The following KCNMA1 variants were observed in gnomAD, a reference collection of about 807,000 sequenced individuals.
KCNMA1 encodes potassium calcium-activated channel subfamily M alpha 1, also known as Calcium-activated potassium channel subunit alpha-1.
A neutral mutation model predicts 140.0 loss-of-function variants in KCNMA1; 29 were observed. That is an observed-to-expected ratio of 0.21 (90% confidence interval 0.15 to 0.28). KCNMA1 has a LOEUF of 0.28. Ranked by LOEUF, KCNMA1 falls within the 10% of genes least tolerant of loss-of-function variation. The probability of loss-of-function intolerance (pLI) is 1.00; values close to 1 mark genes in which losing one functional copy is unlikely to be tolerated. For synonymous variants in KCNMA1, 612 were observed against 611.9 expected, an observed-to-expected ratio of 1.00 and a Z score of 0.00; for missense variants, 880 against 1,602.2, an observed-to-expected ratio of 0.55 and a Z score of 7.70.
In KCNMA1 at chr10:76,937,911, G is replaced by A. The variant is rs539843806; in HGVS notation, c.2902+6862C>T. The stretch of plus-strand genomic sequence containing the variant: ...GGAGGAAAGCTGTGTGTGTGTGTGC[G>A]TATGTGTGTGTGTGTTTGTGTGTGT... On this transcript the variant is annotated intron_variant, in intron 23 of 27. Transcript: ENST00000286628. Among the ~76,000 whole-genome samples, 285 of 150,974 alleles carry A rather than the reference G, an allele frequency of 1.9e-3. 4 individuals carry two copies. Among genetic ancestry groups the A allele is most frequent in the Non-Finnish European group, 2.3e-3 (153 of 67,934 alleles).
At chr10:77,621,704 G>A (rs2670136) in intron 1 of KCNMA1, among the ~76,000 whole-genome samples, 33,316 of 152,014 alleles carry the variant, frequency 0.22, 3,947 homozygotes, top group African/African-American at 0.27. Context: ...GAGGCAGGTG[G>A]ACCACTTGAG....
chr10:77,167,438 G>A (rs1406959318), intron 5 of KCNMA1, among the ~76,000 whole-genome samples: 1 of 151,900 alleles, frequency 6.6e-6, no homozygotes, highest in East Asian at 1.9e-4. Flanking sequence ...TGCAATCTGG[G>A]GTTTATAGAT....
rs995738531 is a variant in KCNMA1, at chr10:77,541,584, A to C, written c.378+95681T>G. Among the ~76,000 whole-genome samples, 7 of 152,206 alleles carry C rather than the reference A, an allele frequency of 4.6e-5. No individual in the cohort carries two copies. The South Asian group carries it at 1.4e-3, about 32-fold the overall frequency. Reference sequence around the variant, plus strand: ...TGAAACTACGTGACTCTATTGTTCTAAGTAACATTACCTTAGAAACTATTC... The same window carrying C: ...TGAAACTACGTGACTCTATTGTTCTCAGTAACATTACCTTAGAAACTATTC... On this transcript the variant is annotated intron_variant, in intron 1 of 27. Coordinates refer to ENST00000286628, the MANE Select transcript of KCNMA1 (RefSeq NM_001161352.2).
At chr10:77,072,300 A>G (rs1565913476) in intron 14 of KCNMA1, among the ~76,000 whole-genome samples, 1 of 152,222 alleles carries the variant, frequency 6.6e-6, no homozygotes, top group African/African-American at 2.4e-5. Context: ...AGAACAGTCT[A>G]AGGATGAGGA....
At chr10:77,059,597 A>G (rs572550863) in intron 14 of KCNMA1, among the ~76,000 whole-genome samples, 1 of 152,136 alleles carries the variant, frequency 6.6e-6, no homozygotes, top group African/African-American at 2.4e-5. Flanking sequence ...AAGAAGAAAA[A>G]CTACATGATC....
intron 2 of KCNMA1, among the ~76,000 whole-genome samples, chr10:77,274,410 T>A (rs1040835268): frequency 3.3e-5 from 5 of 152,084 alleles, no homozygotes; most frequent in African/African-American, 1.2e-4. Context: ...CTCCTCCCCA[T>A]CCCCTAATCA....
At chr10:77,488,168 G>A (rs908644743) in intron 1 of KCNMA1, among the ~76,000 whole-genome samples, 3 of 152,212 alleles carry the variant, frequency 2.0e-5, no homozygotes, top group Non-Finnish European at 2.9e-5. Context: ...TCCCTAAGCA[G>A]TTACTCCCAA....
chr10:77,517,737 C>T (rs913246607), intron 1 of KCNMA1, among the ~76,000 whole-genome samples: 8 of 152,192 alleles, frequency 5.3e-5, no homozygotes, highest in African/African-American at 1.9e-4. Flanking sequence ...TGCATTTGTT[C>T]ATTTCCCCAT....
At chr10:77,143,015 A>G (rs2098214459) in intron 5 of KCNMA1, among the ~76,000 whole-genome samples, 1 of 152,208 alleles carries the variant, frequency 6.6e-6, no homozygotes, top group African/African-American at 2.4e-5. Flanking sequence ...AATAATACCA[A>G]TATTACACAA....
At chr10:77,375,924 A>G (rs1468241556) in intron 2 of KCNMA1, among the ~76,000 whole-genome samples, 2 of 152,204 alleles carry the variant, frequency 1.3e-5, no homozygotes, top group Non-Finnish European at 2.9e-5. Context: ...ACCTCTGCAC[A>G]GTCCTGCTGC....
intron 2 of KCNMA1, among the ~76,000 whole-genome samples, chr10:77,336,952 C>T (rs934584105): frequency 2.3e-4 from 35 of 152,346 alleles, no homozygotes; most frequent in African/African-American, 7.7e-4. Flanking sequence ...GTGGGTAGAG[C>T]CTGTGCTAGG....
chr10:77,381,096 T>C (rs2095366658), intron 2 of KCNMA1, among the ~76,000 whole-genome samples: 1 of 152,156 alleles, frequency 6.6e-6, no homozygotes, highest in Non-Finnish European at 1.5e-5. Flanking sequence ...GATGGGTCTA[T>C]GAGACCCATT....
At chr10:77,534,368 G>T (rs1263269208) in intron 1 of KCNMA1, among the ~76,000 whole-genome samples, 5 of 152,028 alleles carry the variant, frequency 3.3e-5, no homozygotes, top group Non-Finnish European at 7.4e-5. Flanking sequence ...ATTGGCAGAG[G>T]GTACAGTCAG....
intron 1 of KCNMA1, among the ~76,000 whole-genome samples, chr10:77,461,031 G>A (rs1316657240): frequency 2.6e-5 from 4 of 152,146 alleles, no homozygotes; most frequent in African/African-American, 7.2e-5. Context: ...ACTTGAACAC[G>A]GGAGGCAGAG....
chr10:77,326,653 T>A (rs2084327889), intron 2 of KCNMA1, among the ~76,000 whole-genome samples: 1 of 152,152 alleles, frequency 6.6e-6, no homozygotes, highest in Non-Finnish European at 1.5e-5. Flanking sequence ...CTTCAAAACA[T>A]ATGGCCCAAT....
chr10:76,948,226 G>A (rs2064949185), intron 22 of KCNMA1, among the ~76,000 whole-genome samples: 1 of 152,094 alleles, frequency 6.6e-6, no homozygotes, highest in Non-Finnish European at 1.5e-5. Flanking sequence ...GGCTGCTCAT[G>A]AACTCCTGAG....
At chr10:77,548,619 G>C (rs953485581) in intron 1 of KCNMA1, among the ~76,000 whole-genome samples, 1 of 152,198 alleles carries the variant, frequency 6.6e-6, no homozygotes, top group African/African-American at 2.4e-5. Context: ...CACAACTCTT[G>C]ATAGATCTAA....
chr10:77,170,754 C>CA (rs1333217781), intron 5 of KCNMA1, among the ~76,000 whole-genome samples: 1 of 152,096 alleles, frequency 6.6e-6, no homozygotes, highest in Non-Finnish European at 1.5e-5. Context: ...TGGCTCTAGA[C>CA]AAAATACTAG....
intron 1 of KCNMA1, among the ~76,000 whole-genome samples, chr10:77,630,973 G>A (rs2093117200): frequency 6.6e-6 from 1 of 151,758 alleles, no homozygotes; most frequent in East Asian, 1.9e-4. Flanking sequence ...AGGTGTGGTG[G>A]CACACACCCA....
Sources: allele counts gnomAD v4.1 joint callset (sites outside exome capture counted in the v4.1 genomes callset), GRCh38; gene constraint gnomAD v4.1.1; transcripts MANE v1.5; gene names NCBI Gene and HGNC (gene_info 2026-07-23, HGNC 2026-07-21).